Variants in LRBA observed in about 807,000 individuals in gnomAD.
The protein encoded by LRBA is lipopolysaccharide-responsive and beige-like anchor protein.
A neutral mutation model predicts 330.0 loss-of-function variants in LRBA; 176 were observed. The observed-to-expected ratio is 0.53, with a 90% CI of 0.47 to 0.60. LRBA has a LOEUF of 0.60. Among genes scored for constraint, LRBA ranks in the 20% least tolerant of loss-of-function variants. LRBA has a pLI of 0.00. For missense variants in LRBA, 3,259 were observed against 3,444.8 expected, an observed-to-expected ratio of 0.95 and a Z score of 1.35; for synonymous variants, 1,230 against 1,193.0, an observed-to-expected ratio of 1.03 and a Z score of -0.64.
chr4:150,726,030 T>C (rs570105957), intron 36 of LRBA, among the ~76,000 whole-genome samples: 6 of 151,998 alleles, frequency 3.9e-5, no homozygotes, highest in Non-Finnish European at 8.8e-5. Flanking sequence ...AATTAAATCA[T>C]ACCACCAGAG....
intron 36 of LRBA, among the ~76,000 whole-genome samples, chr4:150,722,949 C>G (rs1729127256): frequency 6.6e-6 from 1 of 152,016 alleles, no homozygotes; most frequent in South Asian, 2.1e-4. Context: ...CAGTGCTGCC[C>G]TGTCAGAGCA....
At chr4:150,279,522 C>G (rs1747237687) in intron 55 of LRBA, among the ~76,000 whole-genome samples, 1 of 152,232 alleles carries the variant, frequency 6.6e-6, no homozygotes, top group Admixed American at 6.5e-5. Flanking sequence ...GTTCTACATT[C>G]AGTTCTAGCA....
At chr4:150,276,276 A>G (rs1746752934) in intron 56 of LRBA, among the ~76,000 whole-genome samples, 5 of 152,358 alleles carry the variant, frequency 3.3e-5, no homozygotes, top group Admixed American at 3.3e-4. Flanking sequence ...TTATACAAAA[A>G]TTAACTCAAG....
intron 47 of LRBA, among the ~76,000 whole-genome samples, chr4:150,401,303 A>C (rs1745434571): frequency 6.6e-6 from 1 of 152,250 alleles, no homozygotes; most frequent in African/African-American, 2.4e-5. Context: ...AGTTTGTGGG[A>C]CAGTAATTAT....
chr4:150,584,027 C>A (rs775358183), intron 40 of LRBA: 2 of 1,613,212 alleles, frequency 1.2e-6, no homozygotes, highest in African/African-American at 1.3e-5. Flanking sequence ...AAGCCCCATT[C>A]GGCCCTGGAG....
At chr4:150,275,332 G>A (rs1288276742) in intron 56 of LRBA, among the ~76,000 whole-genome samples, 2 of 28,864 alleles carry the variant, frequency 6.9e-5, no homozygotes, top group African/African-American at 1.3e-4. Context: ...CATACTGAAT[G>A]GGCAAAAACT....
At chr4:150,516,714 T>A (rs1158402846) in intron 40 of LRBA, among the ~76,000 whole-genome samples, 3 of 151,418 alleles carry the variant, frequency 2.0e-5, no homozygotes, top group African/African-American at 7.3e-5. Context: ...ATAAAAAAAT[T>A]AAGAGTTATA....
In LRBA at chr4:150,588,178, A is replaced by C. The variant is rs1474695072; in HGVS notation, c.6200T>G (p.Val2067Gly). 6.3e-7 allele frequency: 1 copy of C among 1,586,236 alleles called. No homozygotes were observed. Among genetic ancestry groups the C allele is most frequent in the African/African-American group, 1.4e-5 (1 of 73,330 alleles). ...EKDLENLAGP[V>G]SLSTPAQLVA... is the part of the protein sequence containing the mutation. ...AAGCTGAGCTGGTGTGCTCAGGCTA[A>C]CAGGACCTGCCAAAAGGAAAAGACA... is the stretch of plus-strand genomic sequence containing the variant. Residue 2067 changes from valine to glycine, a missense_variant, in exon 40 of 57, where the codon GTT becomes GGT. Transcript: ENST00000651943.
intron 56 of LRBA, among the ~76,000 whole-genome samples, chr4:150,277,209 G>C (rs756799664): frequency 2.6e-5 from 4 of 151,332 alleles, no homozygotes; most frequent in Non-Finnish European, 5.9e-5. Context: ...TCACTCATAA[G>C]TGGGAGTTGA....
chr4:150,552,630 A>G (rs1168972840), intron 40 of LRBA, among the ~76,000 whole-genome samples: 1 of 152,168 alleles, frequency 6.6e-6, no homozygotes, highest in Non-Finnish European at 1.5e-5. Context: ...CATTTGACCC[A>G]GCCATCCCAT....
At position 150,929,042 on chromosome 4, in the gene LRBA, C is replaced by T. The variant is rs765297527; in HGVS notation, c.240G>A (p.Leu80=). ...FNLLVGGQFD[L]EMNFIIQEGE... The stretch of plus-strand genomic sequence containing the variant: ...CTTCTTGGATAATGAAATTCATTTC[C>T]AGATCAAACTGTCCTCCTACCAACT... The change falls in exon 3 of 57, where the codon CTG becomes CTA. Residue 80 remains leucine, a synonymous_variant. Coordinates refer to ENST00000651943, the MANE Select transcript of LRBA (RefSeq NM_001364905.1). 12 of 1,610,726 alleles carry T rather than the reference C, an allele frequency of 7.5e-6. No homozygotes were observed. Among genetic ancestry groups the T allele is most frequent in the African/African-American group, 1.3e-5 (1 of 74,322 alleles).
chr4:150,515,196 A>G (rs1349567284), intron 40 of LRBA, among the ~76,000 whole-genome samples: 1 of 152,224 alleles, frequency 6.6e-6, no homozygotes, highest in Non-Finnish European at 1.5e-5. Context: ...TCTAATGAGA[A>G]CAATATAACA....
chr4:150,362,441 A>C (rs1412876566), intron 47 of LRBA, among the ~76,000 whole-genome samples: 1 of 152,120 alleles, frequency 6.6e-6, no homozygotes, highest in Non-Finnish European at 1.5e-5. Context: ...ATGAACTGCT[A>C]TCTAAAACCT....
intron 40 of LRBA, among the ~76,000 whole-genome samples, chr4:150,531,989 A>G (rs1319178055): frequency 6.6e-6 from 1 of 152,222 alleles, no homozygotes; most frequent in Non-Finnish European, 1.5e-5. Context: ...GTTTTAGCTC[A>G]GTTTTGCAGC....
At chr4:150,382,368 A>C (rs749424351) in intron 47 of LRBA, among the ~76,000 whole-genome samples, 40 of 152,292 alleles carry the variant, frequency 2.6e-4, no homozygotes, top group Non-Finnish European at 5.4e-4. Flanking sequence ...TCATGCCTGT[A>C]ATCTTAGCAC....
chr4:150,283,610 G>C (rs1005092156), intron 54 of LRBA, among the ~76,000 whole-genome samples: 3 of 152,134 alleles, frequency 2.0e-5, no homozygotes, highest in African/African-American at 7.2e-5. Flanking sequence ...GCTCTTTCTT[G>C]ACCACTCAGG....
At chr4:150,441,984 C>T (rs935730616) in intron 44 of LRBA, among the ~76,000 whole-genome samples, 4 of 152,096 alleles carry the variant, frequency 2.6e-5, no homozygotes, top group African/African-American at 9.7e-5. Flanking sequence ...TATACCATAA[C>T]TATAATTCCT....
Position 150,316,527 on chromosome 4 carries a change from G to A in LRBA, c.7631-904C>T, listed in dbSNP as rs114585054. Among the ~76,000 whole-genome samples, 738 of 152,206 alleles carry A rather than the reference G, an allele frequency of 4.8e-3. 6 individuals are homozygous for A. Among genetic ancestry groups the A allele is most frequent in the African/African-American group, 0.017 (707 of 41,534 alleles). ...ATTATCTTTTCAGCTTCATAGTTCT[G>A]ACAGTTAAATTCTGGGCCCTTTTCC... is the stretch of plus-strand genomic sequence containing the variant. On this transcript the variant is annotated intron_variant, in intron 50 of 56. Coordinates refer to ENST00000651943, the MANE Select transcript of LRBA (RefSeq NM_001364905.1).
intron 49 of LRBA, among the ~76,000 whole-genome samples, chr4:150,323,025 G>GTGTGTGT (rs373782725): frequency 7.0e-6 from 1 of 142,540 alleles, no homozygotes; most frequent in African/African-American, 2.7e-5. Context: ...GTGTGTGTGT[G>GTGTGTGT]GGGATGCATT....
Sources: allele counts gnomAD v4.1 joint callset (sites outside exome capture counted in the v4.1 genomes callset), GRCh38; gene constraint gnomAD v4.1.1; transcripts MANE v1.5; gene names NCBI Gene and HGNC (gene_info 2026-07-23, HGNC 2026-07-21).